TSGA10: variants seen among roughly 807,000 people sequenced by gnomAD.
TSGA10 encodes testis-specific gene 10 protein.
TSGA10 carries 43 observed loss-of-function variants against 96.6 expected under a neutral mutation model. The ratio of observed to expected loss-of-function variants is 0.44; its 90% CI spans 0.35 to 0.57. TSGA10 has a LOEUF of 0.57. Ranked by LOEUF, TSGA10 falls within the 20% of genes least tolerant of loss-of-function variation. TSGA10 has a pLI of 0.01. For missense variants in TSGA10, 703 were observed against 834.4 expected (o/e 0.84, Z 1.94); for synonymous variants, 229 against 269.9 (o/e 0.85, Z 1.48).
chr2:99,130,422 T>C (rs1254607229), intron 1 of TSGA10, among the ~76,000 whole-genome samples: 1 of 152,240 alleles, frequency 6.6e-6, no homozygotes, highest in Non-Finnish European at 1.5e-5. Flanking sequence ...ATAAATGTCT[T>C]CTTTTGAGAA....
At chr2:99,119,262 ATAAT>A (rs1424290180) in intron 2 of TSGA10, among the ~76,000 whole-genome samples, 10 of 152,308 alleles carry the variant, frequency 6.6e-5, no homozygotes, top group African/African-American at 2.2e-4. Flanking sequence ...ACCAAGAGGC[ATAAT>A]TAAAGTCATT....
intron 17 of TSGA10, among the ~76,000 whole-genome samples, chr2:99,026,360 C>T (rs889226437): frequency 3.3e-5 from 5 of 151,916 alleles, no homozygotes; most frequent in African/African-American, 1.2e-4. Flanking sequence ...AATGTTATAG[C>T]TTTTAAAGAA....
intron 12 of TSGA10, among the ~76,000 whole-genome samples, chr2:99,074,507 T>TA (rs2086448486): frequency 8.6e-6 from 1 of 116,140 alleles, no homozygotes; most frequent in African/African-American, 5.2e-5. Context: ...AAAATATGCA[T>TA]TAAAAAAAAA....
At position 99,131,925 on chromosome 2, in the gene TSGA10, T is replaced by C. The variant is rs560369712; in HGVS notation, c.-620-4749A>G. ...CTGTTTATGAGATGGATTATGTTTATTGATTTGCGTATGTTGAACCATACA... is the reference window on the plus strand; with the variant it reads ...CTGTTTATGAGATGGATTATGTTTACTGATTTGCGTATGTTGAACCATACA... On this transcript the variant is annotated intron_variant, in intron 1 of 20. Transcript: ENST00000393483. Among the ~76,000 whole-genome samples the C allele has an allele frequency of 5.3e-5, 8 of 152,314 alleles. No homozygotes were observed. The East Asian group carries it at 1.5e-3, about 29-fold the overall frequency.
At chr2:99,153,475 G>T (rs2093713435) in intron 1 of TSGA10, among the ~76,000 whole-genome samples, 1 of 152,092 alleles carries the variant, frequency 6.6e-6, no homozygotes, top group African/African-American at 2.4e-5. Flanking sequence ...AGCTGAAGAA[G>T]TAGGTAAAGG....
At chr2:99,111,212 G>C (rs926689406) in intron 4 of TSGA10, among the ~76,000 whole-genome samples, 1 of 152,020 alleles carries the variant, frequency 6.6e-6, no homozygotes, top group African/African-American at 2.4e-5. Flanking sequence ...TTACAATTCT[G>C]AAGATAATAG....
chr2:99,008,790 G>A (rs1442515299), intron 20 of TSGA10, among the ~76,000 whole-genome samples: 1 of 152,138 alleles, frequency 6.6e-6, no homozygotes, highest in African/African-American at 2.4e-5. Context: ...TTTAGGAGGT[G>A]GGTTGCATAA....
intron 16 of TSGA10, among the ~76,000 whole-genome samples, chr2:99,059,414 C>T (rs2084396519): frequency 6.6e-6 from 1 of 151,504 alleles, no homozygotes; most frequent in Non-Finnish European, 1.5e-5. Flanking sequence ...GTGGGCAGAT[C>T]ACCTGAGGTC....
chr2:99,140,892 T>C, intron 1 of TSGA10, among the ~76,000 whole-genome samples: 1 of 152,044 alleles, frequency 6.6e-6, no homozygotes, highest in East Asian at 1.9e-4. Context: ...CAGGGGCAAC[T>C]CGTGCTGCCG....
intron 17 of TSGA10, among the ~76,000 whole-genome samples, chr2:99,025,250 T>C (rs2080457299): frequency 6.6e-6 from 1 of 152,208 alleles, no homozygotes. Context: ...ACTGAAGCCA[T>C]CTGGGCCTCA....
chr2:99,068,815 G>A (rs1484590198), intron 15 of TSGA10, 73 bp downstream of exon 15: 1 of 676,770 alleles, frequency 1.5e-6, no homozygotes. Context: ...CTGTCGTTCT[G>A]AGTATACCAA....
At chr2:99,133,598 A>G (rs1197204830) in intron 1 of TSGA10, among the ~76,000 whole-genome samples, 2 of 152,154 alleles carry the variant, frequency 1.3e-5, no homozygotes, top group African/African-American at 4.8e-5. Context: ...TAAGGTTAAT[A>G]TTGTTATGTT....
At chr2:99,106,912 G>A (rs56007509) in intron 7 of TSGA10, among the ~76,000 whole-genome samples, 2,254 of 152,208 alleles carry the variant, frequency 0.015, 18 homozygotes, top group Non-Finnish European at 0.024. Flanking sequence ...CACTCTGAAG[G>A]CTCGAAGCTC....
At chr2:99,051,011 C>T (rs1279343635) in intron 16 of TSGA10, among the ~76,000 whole-genome samples, 1 of 152,144 alleles carries the variant, frequency 6.6e-6, no homozygotes, top group Non-Finnish European at 1.5e-5. Context: ...GCACAACAGG[C>T]TATTCCATAT....
At chr2:99,008,917 T>G (rs913968044) in intron 20 of TSGA10, among the ~76,000 whole-genome samples, 7 of 152,074 alleles carry the variant, frequency 4.6e-5, no homozygotes, top group African/African-American at 1.4e-4. Flanking sequence ...AAAAGCAAAG[T>G]GCAAAGAAGC....
intron 2 of TSGA10, among the ~76,000 whole-genome samples, chr2:99,119,215 T>C (rs1274666760): frequency 6.6e-6 from 1 of 152,196 alleles, no homozygotes; most frequent in African/African-American, 2.4e-5. Context: ...TTTTTAAATA[T>C]GCTACAATGC....
chr2:99,116,113 G>A (rs190918560), intron 4 of TSGA10, among the ~76,000 whole-genome samples: 26 of 152,230 alleles, frequency 1.7e-4, no homozygotes, highest in Admixed American at 1.6e-3. Flanking sequence ...GAAATAACAC[G>A]TAATAACAAT....
chr2:99,085,003 G>A (rs970086424), intron 10 of TSGA10, among the ~76,000 whole-genome samples: 2 of 151,798 alleles, frequency 1.3e-5, no homozygotes, highest in African/African-American at 4.8e-5. Flanking sequence ...TGTAATCCCA[G>A]CACTTTGGGA....
At chr2:99,138,391 A>G (rs1351484612) in intron 1 of TSGA10, among the ~76,000 whole-genome samples, 1 of 152,244 alleles carries the variant, frequency 6.6e-6, no homozygotes, top group Non-Finnish European at 1.5e-5. Flanking sequence ...ACTAGAATAT[A>G]AAATTCAAGA....
Sources: gnomAD v4.1 joint callset for allele counts (sites outside exome capture counted in the v4.1 genomes callset) on GRCh38, gnomAD v4.1.1 for gene constraint, MANE v1.5 for transcripts, NCBI Gene and HGNC (gene_info 2026-07-23, HGNC 2026-07-21) for gene names.